THOP1: variants seen among roughly 807,000 people sequenced by gnomAD.
THOP1 encodes thimet oligopeptidase 1.
A neutral mutation model predicts 71.8 loss-of-function variants in THOP1; 49 were observed. That is an observed-to-expected ratio of 0.68 (90% CI 0.54 to 0.87). The LOEUF (loss-of-function observed/expected upper bound fraction) is 0.87. THOP1 is among the 40% of genes least tolerant of loss of function. The probability of loss-of-function intolerance (pLI) is 0.00; values close to 1 mark genes in which losing one functional copy is unlikely to be tolerated. For synonymous variants in THOP1, 426 were observed against 421.5 expected, an observed-to-expected ratio of 1.01 and a Z score of -0.13; for missense variants, 843 against 975.6, an observed-to-expected ratio of 0.86 and a Z score of 1.81.
chr19:2,802,753 C>T (rs753570753), intron 5 of THOP1, among the ~76,000 whole-genome samples: 2 of 152,232 alleles, frequency 1.3e-5, no homozygotes, highest in Non-Finnish European at 2.9e-5. Flanking sequence ...GCCGCCCTCA[C>T]CCTCTGGGCA....
chr19:2,800,061 GC>G (rs1568321947), intron 5 of THOP1, among the ~76,000 whole-genome samples: 2 of 152,374 alleles, frequency 1.3e-5, no homozygotes, highest in East Asian at 3.9e-4. Context: ...AATGTCCCTG[GC>G]AGTGGCGGAA....
At chr19:2,792,120 G>C (rs2238618) in intron 2 of THOP1, among the ~76,000 whole-genome samples, 1 of 152,196 alleles carries the variant, frequency 6.6e-6, no homozygotes, top group Non-Finnish European at 1.5e-5. Context: ...TCGTCCCTGC[G>C]GTCACTTGTC....
rs36054718 is a variant in THOP1 at position 2,794,804 on chromosome 19, C to G, written c.270C>G (p.Pro90=). 6.2e-7 allele frequency: 1 copy of G among 1,613,874 alleles called. No homozygotes were observed. Among genetic ancestry groups the G allele is most frequent in the Non-Finnish European group, 8.5e-7 (1 of 1,179,950 alleles). ...TTGACTTCCCCCAGCATGTTTCCCC[C>G]TCCAAGGACATCCGGACAGCCAGCA... ...NILDFPQHVS[P]SKDIRTASTE... is the part of the protein sequence containing the mutation. The change falls in exon 3 of 13, where the codon CCC becomes CCG. Residue 90 remains proline, a synonymous_variant. Transcript: ENST00000307741.
chr19:2,812,500 G>A, intron 12 of THOP1: 2 of 1,156,310 alleles, frequency 1.7e-6, no homozygotes, highest in African/African-American at 3.2e-5. Context: ...CCCCCCTCCT[G>A]AGGCAGCCTC....
Position 2,804,087 on chromosome 19 carries a change from T to G in THOP1, c.590-929T>G, listed in dbSNP as rs564366014. Among the ~76,000 whole-genome samples the G allele has an allele frequency of 5.9e-5, 9 of 152,228 alleles. No homozygotes were observed. In the East Asian group the frequency reaches 1.7e-3, roughly 29 times the overall value. On this transcript the variant is annotated intron_variant, in intron 5 of 12. Transcript: ENST00000307741. The surrounding 1 kb of genome is among the most constrained non-coding windows in gnomAD (Gnocchi z 4.7). ...TGACTCCCCTGGGGTCGGAGTGAGC[T>G]CCCGATCATTCTTTCCACTCTGACC... is the stretch of plus-strand genomic sequence containing the variant.
intron 10 of THOP1, 48 bp from the exon 11 acceptor site, chr19:2,810,592 G>GGGCCGGGGCAGGTGCAGA (rs751904378): frequency 6.5e-7 from 1 of 1,534,744 alleles, no homozygotes; most frequent in African/African-American, 1.4e-5. Context: ...TGGGCAGAGT[G>GGGCCGGGGCAGGTGCAGA]GGCCGGGGCA....
Position 2,806,990 on chromosome 19 carries a change from A to G in THOP1, c.824A>G (p.His275Arg). The change falls in exon 7 of 13, where the codon CAC (histidine) becomes CGC (arginine). Residue 275 changes from histidine to arginine, a missense_variant. His to Arg is a conservative substitution (Grantham distance 29, BLOSUM62 0). Coordinates refer to ENST00000307741, the MANE Select transcript of THOP1 (RefSeq NM_003249.5). Reference sequence around the variant, plus strand: ...TCCCGCCTGCTGGGGTTCCACACGCACGCCGACTATGTCCTGGAGATGAAC... The same window carrying G: ...TCCCGCCTGCTGGGGTTCCACACGCGCGCCGACTATGTCCTGGAGATGAAC... ...QKSRLLGFHT[H>R]ADYVLEMNMA... 6.2e-7 allele frequency: 1 copy of G among 1,613,062 alleles called. No homozygotes were observed. Among genetic ancestry groups the G allele is most frequent in the Non-Finnish European group, 8.5e-7 (1 of 1,179,860 alleles).
intron 4 of THOP1, among the ~76,000 whole-genome samples, chr19:2,798,939 C>A (rs1916080671): frequency 1.3e-5 from 2 of 152,246 alleles, no homozygotes; most frequent in Non-Finnish European, 2.9e-5. Context: ...ACCAGAGGGA[C>A]CACTCAAGAT....
rs113386116 is a variant in THOP1, at chr19:2,790,188, C to T, written c.17-233C>T. Among the ~76,000 whole-genome samples the T allele has an allele frequency of 3.0e-3, 456 of 152,286 alleles. 1 individual carries two copies. Among genetic ancestry groups the T allele is most frequent in the African/African-American group, 9.8e-3 (407 of 41,558 alleles). On this transcript the variant is annotated intron_variant, in intron 1 of 12. Transcript: ENST00000307741. ...ACTCCACGCCAGGAGCATCTGCAAC[C>T]GCGACAGCCACATGTGTCCTAGATG... is the stretch of plus-strand genomic sequence containing the variant.
Position 2,799,557 on chromosome 19 carries a change from G to A in THOP1, c.487-132G>A, listed in dbSNP as rs540956224. ...CCTCCCGTCTCACTCTTTCCTCCTC[G>A]GTTGCCTCTTCTTTCGGCCTGGTTC... On this transcript the variant is annotated intron_variant, in intron 4 of 12. Coordinates refer to ENST00000307741, the MANE Select transcript of THOP1 (RefSeq NM_003249.5). 1.4e-4 allele frequency: 94 copies of A among 680,440 alleles called. 1 individual carries two copies. In the African/African-American group the frequency reaches 1.4e-3, roughly 10 times the overall value. The allele number at this position is 680,440 out of a possible 1,614,324, so 42.2% of individuals were successfully genotyped here. A position where few individuals can be genotyped will look rare whatever the true frequency, so the allele number is the denominator to read the frequency against.
chr19:2,813,462 C>T lies in THOP1; in HGVS notation c.*186C>T. ...GGCCCACCCGGCTAGAGACGGCGTC[C>T]TCAAGGCATCTGGAGGGCTTTCGTG... On this transcript the variant is annotated 3_prime_UTR_variant, in exon 13 of 13. Transcript: ENST00000307741. The T allele has an allele frequency of 1.4e-6, 1 of 701,668 alleles. No homozygotes were observed. The highest frequency in any genetic ancestry group is 2.3e-6 in the Non-Finnish European group (1 of 442,228). The allele number at this position is 701,668 out of a possible 1,614,324, so 43.5% of individuals were successfully genotyped here.
At chr19:2,786,765 A>ATTTTTTTTTTTTTTTTTT (rs550767741) in intron 1 of THOP1, among the ~76,000 whole-genome samples, 3 of 101,188 alleles carry the variant, frequency 3.0e-5, no homozygotes, top group South Asian at 3.6e-4. Context: ...CACCTGGCTA[A>ATTTTTTTTTTTTTTTTTT]TTTTTTTTTT....
In THOP1 at chr19:2,811,026, C is replaced by T. The variant is rs909043493; in HGVS notation, c.1771+258C>T. Among the ~76,000 whole-genome samples, 8 of 152,170 alleles carry T rather than the reference C, an allele frequency of 5.3e-5. No homozygotes were observed. In the South Asian group the frequency reaches 6.2e-4, roughly 12 times the overall value. ...GAGCCTCTGCTTTGAATGAAGCTGG[C>T]GTTTTCCTGATTGAAATGTATGACA... On this transcript the variant is annotated intron_variant, in intron 11 of 12. Transcript: ENST00000307741.
At chr19:2,790,322 A>G in intron 1 of THOP1, 99 bp from the exon 2 acceptor site, 1 of 1,168,426 alleles carries the variant, frequency 8.6e-7, no homozygotes, top group Admixed American at 2.5e-5. Flanking sequence ...CTTCTGGATG[A>G]GAAGCGGGTG....
intron 4 of THOP1, among the ~76,000 whole-genome samples, chr19:2,798,306 C>T (rs1045247365): frequency 6.6e-5 from 10 of 152,164 alleles, no homozygotes; most frequent in Middle Eastern, 3.2e-3. Flanking sequence ...GCTGGGATTA[C>T]GGGTGTGAGC....
Position 2,794,831 on chromosome 19 carries a change from A to G in THOP1, c.297A>G (p.Thr99=), listed in dbSNP as rs765552683. Residue 99 remains threonine, a synonymous_variant, in exon 3 of 13, where the codon ACA becomes ACG. Coordinates refer to ENST00000307741, the MANE Select transcript of THOP1 (RefSeq NM_003249.5). ...CCAAGGACATCCGGACAGCCAGCAC[A>G]GAGGCCGACAAGAAGCTCTCTGAGT... ...SPSKDIRTAS[T]EADKKLSEFD... 1.9e-6 allele frequency: 3 copies of G among 1,614,024 alleles called. No individual in the cohort carries two copies. The East Asian group carries it at 6.7e-5, about 36-fold the overall frequency.
chr19:2,810,758 G>A lies in THOP1; in HGVS notation c.1761G>A (p.Pro587=), dbSNP rs754624124. The A allele has an allele frequency of 1.3e-5, 21 of 1,602,152 alleles. No individual in the cohort carries two copies. Among genetic ancestry groups the A allele is most frequent in the East Asian group, 1.1e-4 (5 of 44,684 alleles). The change falls in exon 11 of 13, where the codon CCG becomes CCA. Residue 587 remains proline, a synonymous_variant. Coordinates refer to ENST00000307741, the MANE Select transcript of THOP1 (RefSeq NM_003249.5). ...TCTGCCAGGAGATCCTCGGGGTCCCGGCCACGCCAGGTAGCCACCCTTGAG... is the reference window on the plus strand; with the variant it reads ...TCTGCCAGGAGATCCTCGGGGTCCCAGCCACGCCAGGTAGCCACCCTTGAG... ...ARLCQEILGV[P]ATPGTNMPAT... is the part of the protein sequence containing the mutation.
chr19:2,801,056 C>T lies in THOP1; in HGVS notation c.589+1265C>T, dbSNP rs1360945700. Among the ~76,000 whole-genome samples, 1 of 152,214 alleles carries T rather than the reference C, an allele frequency of 6.6e-6. No homozygotes were observed. The highest frequency in any genetic ancestry group is 2.4e-5 in the African/African-American group (1 of 41,454). ...AGCTCAAATCTGCCTCCTGTGCCAG[C>T]TTTCAGGCAGTACTTTCATGAGAGA... On this transcript the variant is annotated intron_variant, in intron 5 of 12. Transcript: ENST00000307741. This position sits in a 1 kb window ranked among gnomAD's most constrained non-coding sequence, Gnocchi z 5.1.
chr19:2,810,182 C>T (rs986674955), intron 9 of THOP1, 122 bp from the exon 10 acceptor site: 37 of 1,269,254 alleles, frequency 2.9e-5, no homozygotes, highest in Middle Eastern at 2.8e-4. Flanking sequence ...GTGGGAGGGC[C>T]GGGCCCAGCG....
Sources: gnomAD v4.1 joint callset for allele counts (sites outside exome capture counted in the v4.1 genomes callset) on GRCh38, gnomAD v4.1.1 for gene constraint, Gnocchi (gnomAD v3.1) non-coding constraint, MANE v1.5 for transcripts, NCBI Gene and HGNC (gene_info 2026-07-23, HGNC 2026-07-21) for gene names.